BCKDHB: variants seen among roughly 807,000 people sequenced by gnomAD.
BCKDHB encodes 2-oxoisovalerate dehydrogenase subunit beta, mitochondrial.
In BCKDHB, 41 loss-of-function variants were observed where a neutral mutation model predicts 48.5. That is an observed-to-expected ratio of 0.85 (90% CI 0.66 to 1.10). BCKDHB has a LOEUF of 1.10. Ranked by LOEUF, BCKDHB falls within the 50% of genes least tolerant of loss-of-function variation. The pLI is 0.00. For synonymous variants in BCKDHB, 201 were observed against 174.8 expected (o/e 1.15, Z -1.18); for missense variants, 496 against 494.2 (o/e 1.00, Z -0.03).
At chr6:80,150,550 C>CT (rs758701261) in intron 3 of BCKDHB, among the ~76,000 whole-genome samples, 32,139 of 105,770 alleles carry the variant, frequency 0.3, 5,978 homozygotes, top group East Asian at 0.49. Context: ...AGTTTGTCAT[C>CT]TTTTTTTTTT....
At position 80,216,888 on chromosome 6, in the gene BCKDHB, C is replaced by T. The variant is rs538102760; in HGVS notation, c.951+13676C>T. Among the ~76,000 whole-genome samples the T allele has an allele frequency of 2.0e-5, 3 of 152,242 alleles. No individual in the cohort carries two copies. In the East Asian group the frequency reaches 5.8e-4, roughly 29 times the overall value. Reference sequence around the variant, plus strand: ...GCAGTGCTGAGCAGTGATAATTTAACTTAAAAATTTATTGAAACTGTGATG... The same window carrying T: ...GCAGTGCTGAGCAGTGATAATTTAATTTAAAAATTTATTGAAACTGTGATG... On this transcript the variant is annotated intron_variant, in intron 8 of 9. Transcript: ENST00000320393.
At position 80,148,849 on chromosome 6, in the gene BCKDHB, C is replaced by G. The variant is rs533051215; in HGVS notation, c.344-18829C>G. ...TGGATTAAAGACTTAAATGTTAGAC[C>G]TAAAACCATAAAAACCCTAGAAGAA... On this transcript the variant is annotated intron_variant, in intron 3 of 9. Coordinates refer to ENST00000320393, the MANE Select transcript of BCKDHB (RefSeq NM_183050.4). Among the ~76,000 whole-genome samples the G allele has an allele frequency of 2.6e-5, 4 of 152,002 alleles. No homozygotes were observed. In the East Asian group the frequency reaches 7.7e-4, roughly 29 times the overall value.
chr6:80,108,244 T>C (rs947369722), intron 1 of BCKDHB, among the ~76,000 whole-genome samples: 26 of 151,714 alleles, frequency 1.7e-4, no homozygotes, highest in African/African-American at 6.3e-4. Context: ...CGTGTAGATA[T>C]AATTTACTTG....
intron 8 of BCKDHB, among the ~76,000 whole-genome samples, chr6:80,245,961 A>G (rs935838035): frequency 1.3e-5 from 2 of 152,122 alleles, no homozygotes; most frequent in Admixed American, 6.6e-5. Context: ...CCTGTGGTCC[A>G]GCTACTCGGG....
At chr6:80,207,942 A>C (rs535388367) in intron 8 of BCKDHB, among the ~76,000 whole-genome samples, 1 of 151,870 alleles carries the variant, frequency 6.6e-6, no homozygotes, top group East Asian at 1.9e-4. Context: ...ATCCCTCTTA[A>C]ATCTTGCTTA....
chr6:80,312,677 A>G (rs1444979278), intron 9 of BCKDHB, among the ~76,000 whole-genome samples: 9 of 152,166 alleles, frequency 5.9e-5, no homozygotes, highest in African/African-American at 2.2e-4. Flanking sequence ...TTCTGAATCT[A>G]TTGAGATAAT....
chr6:80,369,805 A>T, the BCKDHB span, among the ~76,000 whole-genome samples: 1 of 152,244 alleles, frequency 6.6e-6, no homozygotes, highest in South Asian at 2.1e-4. Flanking sequence ...CTTAGAACCC[A>T]GTATCAACCT....
At chr6:80,191,160 G>A (rs1310170209) in intron 6 of BCKDHB, among the ~76,000 whole-genome samples, 1 of 152,108 alleles carries the variant, frequency 6.6e-6, no homozygotes, top group Admixed American at 6.6e-5. Flanking sequence ...AAATTTTTCT[G>A]GAGAGGTTGC....
chr6:80,160,152 T>G (rs1772241386), intron 3 of BCKDHB, among the ~76,000 whole-genome samples: 1 of 152,174 alleles, frequency 6.6e-6, no homozygotes. Flanking sequence ...GGCTGTCACC[T>G]TAAGTCATGC....
At chr6:80,207,614 A>G (rs1774728343) in intron 8 of BCKDHB, among the ~76,000 whole-genome samples, 1 of 151,730 alleles carries the variant, frequency 6.6e-6, no homozygotes, top group Non-Finnish European at 1.5e-5. Context: ...AACTACCACC[A>G]CCATGTGTAG....
intron 6 of BCKDHB, among the ~76,000 whole-genome samples, chr6:80,191,796 G>C (rs915597005): frequency 6.6e-6 from 1 of 152,174 alleles, no homozygotes; most frequent in Admixed American, 6.5e-5. Context: ...GTGGGGAAGT[G>C]GGAAATCACA....
chr6:80,350,467 C>T (rs1770362152), downstream of BCKDHB, among the ~76,000 whole-genome samples: 1 of 151,672 alleles, frequency 6.6e-6, no homozygotes, highest in Non-Finnish European at 1.5e-5. Context: ...ATCATGGTAT[C>T]TGCAAATACA....
intron 3 of BCKDHB, among the ~76,000 whole-genome samples, chr6:80,140,142 G>C (rs970718757): frequency 3.3e-5 from 5 of 152,100 alleles, no homozygotes; most frequent in African/African-American, 1.2e-4. Flanking sequence ...TGTGATTTTT[G>C]TACATTGATT....
the BCKDHB span, among the ~76,000 whole-genome samples, chr6:80,466,444 G>T: frequency 2.0e-4 from 31 of 152,160 alleles, no homozygotes; most frequent in South Asian, 6.0e-3. Flanking sequence ...CTTGCCTATA[G>T]TTAATAAAAA....
chr6:80,187,060 A>G (rs1773676813), intron 6 of BCKDHB, among the ~76,000 whole-genome samples: 4 of 152,130 alleles, frequency 2.6e-5, no homozygotes, highest in Non-Finnish European at 2.9e-5. Flanking sequence ...TGGTTCTTGG[A>G]GGAAAAGTTT....
the BCKDHB span, among the ~76,000 whole-genome samples, chr6:80,372,182 T>G: frequency 2.0e-5 from 3 of 151,930 alleles, no homozygotes; most frequent in South Asian, 2.1e-4. Flanking sequence ...AGTTTTTTTT[T>G]GTAGAGGTCC....
chr6:80,445,241 T>A, the BCKDHB span, among the ~76,000 whole-genome samples: 1 of 152,200 alleles, frequency 6.6e-6, no homozygotes, highest in African/African-American at 2.4e-5. Context: ...CTCTTGTGCT[T>A]TCAGTATACA....
At chr6:80,149,708 C>T (rs1409828452) in intron 3 of BCKDHB, among the ~76,000 whole-genome samples, 1 of 150,858 alleles carries the variant, frequency 6.6e-6, no homozygotes, top group Non-Finnish European at 1.5e-5. Context: ...AATCATCATT[C>T]TCAGTAAACT....
chr6:80,243,025 A>G (rs1014853816), intron 8 of BCKDHB, among the ~76,000 whole-genome samples: 1 of 152,124 alleles, frequency 6.6e-6, no homozygotes, highest in Non-Finnish European at 1.5e-5. Flanking sequence ...TAATCGGGAA[A>G]CGACTCAGGC....
Sources: allele counts gnomAD v4.1 joint callset (sites outside exome capture counted in the v4.1 genomes callset), GRCh38; gene constraint gnomAD v4.1.1; transcripts MANE v1.5; gene names NCBI Gene and HGNC (gene_info 2026-07-23, HGNC 2026-07-21).